The following CDH1 variants were observed in gnomAD, a reference collection of about 807,000 sequenced individuals.
The protein encoded by CDH1 is cadherin 1.
CDH1 carries 35 observed loss-of-function variants against 84.5 expected under a neutral mutation model. That is an observed-to-expected ratio of 0.41 (90% CI 0.32 to 0.55). The LOEUF (loss-of-function observed/expected upper bound fraction) is 0.55. CDH1 is among the 20% of genes least tolerant of loss of function. CDH1 has a pLI of 0.19. For missense variants in CDH1, 994 were observed against 1,126.6 expected (o/e 0.88, Z 1.68); for synonymous variants, 417 against 439.0 (o/e 0.95, Z 0.63).
chr16:68,829,883 G>T lies in CDH1; in HGVS notation c.2439+86G>T. On this transcript the variant is annotated intron_variant, in intron 15 of 15. Coordinates refer to ENST00000261769, the MANE Select transcript of CDH1 (RefSeq NM_004360.5). Reference sequence around the variant, plus strand: ...TCAAAAATGAGAAAAAGAGTCTTTAGATTCTTTCCTTTACTATGTTTTCAG... The same window carrying T: ...TCAAAAATGAGAAAAAGAGTCTTTATATTCTTTCCTTTACTATGTTTTCAG... 3 of 1,371,790 alleles carry T rather than the reference G, an allele frequency of 2.2e-6. No homozygotes were observed. In the South Asian group the frequency reaches 3.5e-5, roughly 16 times the overall value. 85.0% of individuals were successfully genotyped at this position (1,371,790 alleles called of 1,614,324 possible). A position where few individuals can be genotyped will look rare whatever the true frequency, so the allele number is the denominator to read the frequency against.
rs1962419884 is a variant in CDH1 at position 68,737,373 on chromosome 16, A to G, written c.-43A>G. 2 of 1,518,562 alleles carry G rather than the reference A, an allele frequency of 1.3e-6. No homozygotes were observed. The highest frequency in any genetic ancestry group is 1.4e-5 in the African/African-American group (1 of 71,538). 94.1% of individuals were successfully genotyped at this position (1,518,562 alleles called of 1,614,324 possible). ...GCCCGCTCCAGCCCGGCCCGACCCG[A>G]CCGCACCCGGCGCCTGCCCTCGCTC... On this transcript the variant is annotated 5_prime_UTR_variant, in exon 1 of 16. Transcript: ENST00000261769.
intron 2 of CDH1, among the ~76,000 whole-genome samples, chr16:68,754,574 G>A (rs1010862596): frequency 7.2e-5 from 11 of 152,284 alleles, no homozygotes; most frequent in East Asian, 3.9e-4. Flanking sequence ...GAGCCTGGCC[G>A]TATGTCTGGT....
At chr16:68,822,800 T>C (rs976627614) in intron 12 of CDH1, 6 of 248,042 alleles carry the variant, frequency 2.4e-5, no homozygotes, top group Non-Finnish European at 4.7e-5. Context: ...GCAAAACCAG[T>C]GTGGCGGCCG....
chr16:68,820,530 T>G (rs1359298108), intron 11 of CDH1, among the ~76,000 whole-genome samples: 1 of 152,036 alleles, frequency 6.6e-6, no homozygotes, highest in South Asian at 2.1e-4. Context: ...TTTTGTATTT[T>G]TAGTAGAAAC....
chr16:68,835,095 G>A lies in CDH1; in HGVS notation c.*1596G>A, dbSNP rs551381910. ...GCTGAACACATTTGCCCAATTCCAG[G>A]TGTGCACAGAAAACCGAGAATATTC... On this transcript the variant is annotated 3_prime_UTR_variant, in exon 16 of 16. Transcript: ENST00000261769. 4 of 231,944 alleles carry A rather than the reference G, an allele frequency of 1.7e-5. No individual in the cohort carries two copies. Among genetic ancestry groups the A allele is most frequent in the African/African-American group, 4.4e-5 (2 of 45,338 alleles). 14.4% of individuals were successfully genotyped at this position (231,944 alleles called of 1,614,324 possible).
intron 2 of CDH1, among the ~76,000 whole-genome samples, chr16:68,746,507 T>G (rs1042390308): frequency 6.6e-6 from 1 of 152,150 alleles, no homozygotes; most frequent in African/African-American, 2.4e-5. Flanking sequence ...AGGGGCTAGA[T>G]GTTTGATGAG....
chr16:68,803,789 C>G (rs1960576864), intron 3 of CDH1, among the ~76,000 whole-genome samples: 2 of 152,168 alleles, frequency 1.3e-5, no homozygotes, highest in South Asian at 4.1e-4. Flanking sequence ...TGATTGGGTT[C>G]AAGTGCATGT....
At chr16:68,780,908 C>CAG (rs551817818) in intron 2 of CDH1, among the ~76,000 whole-genome samples, 64 of 152,290 alleles carry the variant, frequency 4.2e-4, no homozygotes, top group African/African-American at 1.5e-3. Flanking sequence ...CTGCATAGAG[C>CAG]AGAGGCTTGT....
rs746109821 is a variant in CDH1, at chr16:68,808,859, C to T, written c.687+11C>T. On this transcript the variant is annotated intron_variant, in intron 5 of 15. Transcript: ENST00000261769. ...ATTGCCACATACACTGTAAGTATCTCTTAGAAGCTTGTTGACACCGGGGTA... is the reference window on the plus strand; with the variant it reads ...ATTGCCACATACACTGTAAGTATCTTTTAGAAGCTTGTTGACACCGGGGTA... 25 of 1,613,528 alleles carry T rather than the reference C, an allele frequency of 1.5e-5. No homozygotes were observed. Among genetic ancestry groups the T allele is most frequent in the Non-Finnish European group, 2.1e-5 (25 of 1,179,752 alleles).
chr16:68,772,149 G>T (rs141010268), intron 2 of CDH1, among the ~76,000 whole-genome samples: 52 of 152,308 alleles, frequency 3.4e-4, no homozygotes, highest in Non-Finnish European at 7.5e-4. Context: ...AGGACTCAGG[G>T]TCTAGGCTCC....
intron 7 of CDH1, 21 bp from the exon 8 acceptor site, chr16:68,812,114 G>A (rs1960852518): frequency 2.5e-6 from 4 of 1,614,054 alleles, no homozygotes; most frequent in South Asian, 1.1e-5. Context: ...TCCTGACTTG[G>A]TTGTGTCGAT....
chr16:68,813,610 T>C, intron 9 of CDH1, 115 bp downstream of exon 9: 1 of 1,031,224 alleles, frequency 9.7e-7, no homozygotes, highest in South Asian at 1.3e-5. Context: ...CAGGGTGACT[T>C]TCCCAGATTG....
chr16:68,764,768 G>A (rs1189397820), intron 2 of CDH1, among the ~76,000 whole-genome samples: 1 of 152,188 alleles, frequency 6.6e-6, no homozygotes, highest in African/African-American at 2.4e-5. Context: ...GGAGACCTTA[G>A]GTGGCCAGGG....
In CDH1 at chr16:68,738,936, C is replaced by CTTTTTTTT. The variant is rs1555509828; in HGVS notation, c.163+546_163+553dup. ...TGGCTTTTGTTTACAGATATAAAAG[C>CTTTTTTTT]TTTTTTTTTTTTTTTTTTTTTTTTT... On this transcript the variant is annotated intron_variant, in intron 2 of 15. Transcript: ENST00000261769. Among the ~76,000 whole-genome samples, 9 of 11,440 alleles carry CTTTTTTTT rather than the reference C, an allele frequency of 7.9e-4. 3 individuals carry two copies. The highest frequency in any genetic ancestry group is 1.9e-3 in the African/African-American group (8 of 4,306). The allele number at this position is 11,440 out of a possible 152,430, so 7.5% of individuals were successfully genotyped here. A position where few individuals can be genotyped will look rare whatever the true frequency, so the allele number is the denominator to read the frequency against.
intron 8 of CDH1, 107 bp downstream of exon 8, chr16:68,812,370 C>A: frequency 1.7e-6 from 2 of 1,210,774 alleles, no homozygotes; most frequent in Non-Finnish European, 2.4e-6. Flanking sequence ...TCTCTCCAGA[C>A]TAGAGAATGT....
chr16:68,831,530 A>ATTTAT (rs111548770), intron 15 of CDH1, among the ~76,000 whole-genome samples: 29 of 150,020 alleles, frequency 1.9e-4, no homozygotes, highest in Admixed American at 2.7e-4. Flanking sequence ...TTATTTATTT[A>ATTTAT]TTTATTTTTA....
intron 2 of CDH1, among the ~76,000 whole-genome samples, chr16:68,785,836 C>A (rs1459819635): frequency 6.6e-6 from 1 of 152,110 alleles, no homozygotes; most frequent in Non-Finnish European, 1.5e-5. Flanking sequence ...GGCTGTCGCC[C>A]ATGTTTTGCT....
At chr16:68,824,021 G>A (rs965836711) in intron 13 of CDH1, among the ~76,000 whole-genome samples, 1 of 123,840 alleles carries the variant, frequency 8.1e-6, no homozygotes, top group African/African-American at 3.4e-5. Context: ...TTTTGAGATG[G>A]AGTTTCGCTC....
At chr16:68,784,468 G>A (rs1313447422) in intron 2 of CDH1, among the ~76,000 whole-genome samples, 1 of 151,862 alleles carries the variant, frequency 6.6e-6, no homozygotes, top group Non-Finnish European at 1.5e-5. Context: ...CTCCCATCAT[G>A]TGTGGGTCAT....
Sources: allele counts gnomAD v4.1 joint callset (sites outside exome capture counted in the v4.1 genomes callset), GRCh38; gene constraint gnomAD v4.1.1; transcripts MANE v1.5; gene names NCBI Gene and HGNC (gene_info 2026-07-23, HGNC 2026-07-21).